Variants in NIPSNAP2 observed in about 807,000 individuals in gnomAD.
The protein encoded by NIPSNAP2 is protein NipSnap homolog 2.
A neutral mutation model predicts 48.4 loss-of-function variants in NIPSNAP2; 42 were observed. That is an observed-to-expected ratio of 0.87 (90% CI 0.68 to 1.12). The LOEUF is 1.12. Ranked by LOEUF, NIPSNAP2 falls within the 50% of genes most tolerant of loss-of-function variation. The probability of loss-of-function intolerance (pLI) is 0.00; values close to 1 mark genes in which losing one functional copy is unlikely to be tolerated. For synonymous variants in NIPSNAP2, 158 were observed against 126.6 expected, an observed-to-expected ratio of 1.25 and a Z score of -1.67; for missense variants, 314 against 347.3, an observed-to-expected ratio of 0.90 and a Z score of 0.76.
chr7:55,985,166 A>G (rs181812963), intron 7 of NIPSNAP2, among the ~76,000 whole-genome samples: 1 of 152,294 alleles, frequency 6.6e-6, no homozygotes, highest in African/African-American at 2.4e-5. Context: ...CCCAGACAGC[A>G]TTCTATTTCA....
At chr7:55,981,354 C>G in intron 3 of NIPSNAP2, 119 bp from the exon 4 acceptor site, 1 of 697,462 alleles carries the variant, frequency 1.4e-6, no homozygotes, top group Non-Finnish European at 2.6e-6. Flanking sequence ...TCATGATGTT[C>G]TAAGGTCAGT....
intron 1 of NIPSNAP2, among the ~76,000 whole-genome samples, chr7:55,977,235 C>T (rs956633203): frequency 1.3e-5 from 2 of 151,754 alleles, no homozygotes; most frequent in Admixed American, 6.6e-5. Flanking sequence ...TACTAAAATA[C>T]AAAAAATTAG....
intron 5 of NIPSNAP2, among the ~76,000 whole-genome samples, chr7:55,983,277 C>T (rs759291645): frequency 2.6e-5 from 4 of 152,158 alleles, no homozygotes; most frequent in Non-Finnish European, 5.9e-5. Context: ...TTGCTTTCCA[C>T]CCTCCCTTCA....
intron 1 of NIPSNAP2, among the ~76,000 whole-genome samples, chr7:55,975,538 G>C (rs191078286): frequency 3.9e-5 from 6 of 152,294 alleles, no homozygotes; most frequent in Admixed American, 2.6e-4. Context: ...GAACACAGCA[G>C]TGGTTGCTAG....
At chr7:55,973,640 A>AT (rs113238994) in intron 1 of NIPSNAP2, among the ~76,000 whole-genome samples, 11,815 of 137,146 alleles carry the variant, frequency 0.086, 621 homozygotes, top group Middle Eastern at 0.15. Context: ...ACACCCAGCT[A>AT]TTTTTTTTTT....
chr7:55,985,474 T>TG (rs1273890439), intron 7 of NIPSNAP2, among the ~76,000 whole-genome samples: 1 of 152,114 alleles, frequency 6.6e-6, no homozygotes, highest in Non-Finnish European at 1.5e-5. Flanking sequence ...CTGTGGCTCA[T>TG]GCCTGTAATC....
chr7:55,997,521 A>G, intron 9 of NIPSNAP2, 72 bp downstream of exon 9: 3 of 1,198,318 alleles, frequency 2.5e-6, no homozygotes, highest in Non-Finnish European at 3.7e-6. Flanking sequence ...CCCTGACACT[A>G]ATAGGTGGGT....
intron 3 of NIPSNAP2, chr7:55,978,997 G>C (rs975255780): frequency 6.6e-6 from 1 of 152,372 alleles, no homozygotes; most frequent in African/African-American, 2.4e-5. Flanking sequence ...AACAGAAATA[G>C]TATTTTAATG....
At chr7:55,967,955 T>C (rs1786931749) in intron 1 of NIPSNAP2, among the ~76,000 whole-genome samples, 1 of 151,774 alleles carries the variant, frequency 6.6e-6, no homozygotes, top group South Asian at 2.1e-4. Flanking sequence ...CGGCTGCTAA[T>C]TTTTAATTTT....
rs371480418 is a variant in NIPSNAP2, at chr7:55,982,020, T to C, written c.374-190T>C. On this transcript the variant is annotated intron_variant, in intron 4 of 9. Coordinates refer to ENST00000322090, the MANE Select transcript of NIPSNAP2 (RefSeq NM_001483.3). ...CAGGGTTTCACCATGTTGGCCAGGC[T>C]GGTCTGGAACTCCTGACCTCAAGTG... The C allele has an allele frequency of 1.1e-4, 43 of 409,502 alleles. 2 individuals are homozygous for C. Among genetic ancestry groups the C allele is most frequent in the East Asian group, 5.0e-4 (12 of 24,032 alleles). 25.4% of individuals were successfully genotyped at this position (409,502 alleles called of 1,614,324 possible).
intron 1 of NIPSNAP2, among the ~76,000 whole-genome samples, chr7:55,965,919 G>A (rs1786883831): frequency 6.6e-6 from 1 of 152,148 alleles, no homozygotes; most frequent in African/African-American, 2.4e-5. Flanking sequence ...TGGGAGAGGG[G>A]GCAGAATTAA....
intron 7 of NIPSNAP2, among the ~76,000 whole-genome samples, chr7:55,989,824 T>C (rs907528316): frequency 2.0e-5 from 3 of 151,988 alleles, no homozygotes; most frequent in African/African-American, 7.2e-5. Flanking sequence ...CTAAAAATAC[T>C]GCCTGGGCAT....
intron 1 of NIPSNAP2, among the ~76,000 whole-genome samples, chr7:55,968,664 G>A (rs1786948369): frequency 1.3e-5 from 2 of 152,038 alleles, no homozygotes; most frequent in Non-Finnish European, 2.9e-5. Context: ...CAAAGTGGTG[G>A]GATTATAGGC....
chr7:55,991,849 T>G (rs1269592000), intron 7 of NIPSNAP2: 1 of 265,374 alleles, frequency 3.8e-6, no homozygotes. Context: ...GGTGACCACC[T>G]CGTCTGTACA....
intron 8 of NIPSNAP2, among the ~76,000 whole-genome samples, chr7:55,996,520 A>T (rs995726602): frequency 6.6e-6 from 1 of 151,938 alleles, no homozygotes; most frequent in African/African-American, 2.4e-5. Context: ...GGCACTCTCC[A>T]CAACTGACCT....
chr7:55,984,189 T>G (rs1787279974), intron 6 of NIPSNAP2, among the ~76,000 whole-genome samples: 2 of 152,172 alleles, frequency 1.3e-5, no homozygotes. Flanking sequence ...TAATAAACAC[T>G]GTGACTGTTG....
chr7:55,969,597 C>T (rs535418879), intron 1 of NIPSNAP2, among the ~76,000 whole-genome samples: 4 of 152,238 alleles, frequency 2.6e-5, no homozygotes, highest in African/African-American at 9.6e-5. Flanking sequence ...GTCTGTCTGC[C>T]CTCACCAGCA....
chr7:55,981,394 C>T, intron 3 of NIPSNAP2, 79 bp from the exon 4 acceptor site: 1 of 935,696 alleles, frequency 1.1e-6, no homozygotes, highest in Admixed American at 1.8e-5. Context: ...TGGTCTTTTT[C>T]CTGTTACTGA....
chr7:55,965,042 G>A (rs1196199346), intron 1 of NIPSNAP2: 1 of 156,380 alleles, frequency 6.4e-6, no homozygotes, highest in African/African-American at 2.4e-5. Context: ...GGGACAGCGC[G>A]CGCCTGAGGC....
Sources: gnomAD v4.1 joint callset for allele counts (sites outside exome capture counted in the v4.1 genomes callset) on GRCh38, gnomAD v4.1.1 for gene constraint, MANE v1.5 for transcripts, NCBI Gene and HGNC (gene_info 2026-07-23, HGNC 2026-07-21) for gene names.